SDK2: variants seen among roughly 807,000 people sequenced by gnomAD.
SDK2 encodes the protein sidekick cell adhesion molecule 2.
In SDK2, 105 loss-of-function variants were observed where a neutral mutation model predicts 253.9. The ratio of observed to expected loss-of-function variants is 0.41; its 90% CI spans 0.35 to 0.49. The LOEUF is 0.49. SDK2 is among the 20% of genes least tolerant of loss of function. SDK2 has a pLI of 0.06. For missense variants in SDK2, 2,608 were observed against 3,003.0 expected, an observed-to-expected ratio of 0.87 and a Z score of 3.07; for synonymous variants, 1,249 against 1,234.9, an observed-to-expected ratio of 1.01 and a Z score of -0.24.
chr17:73,642,388 A>G lies in SDK2; in HGVS notation c.64+1637T>C, dbSNP rs1358219824. On this transcript the variant is annotated intron_variant, in intron 1 of 44. Coordinates refer to ENST00000392650, the MANE Select transcript of SDK2 (RefSeq NM_001144952.2). This position sits in a 1 kb window ranked among gnomAD's most constrained non-coding sequence, Gnocchi z 4.7. ...ACAGATGCTGGCATCCCGTCCCTCC[A>G]CGCCGTCCAGGCTTTTGGCTAGTAA... Among the ~76,000 whole-genome samples, 4 of 152,214 alleles carry G rather than the reference A, an allele frequency of 2.6e-5. No homozygotes were observed. Among genetic ancestry groups the G allele is most frequent in the African/African-American group, 9.6e-5 (4 of 41,458 alleles).
intron 1 of SDK2, among the ~76,000 whole-genome samples, chr17:73,583,774 G>A (rs1424248999): frequency 6.6e-6 from 1 of 152,166 alleles, no homozygotes; most frequent in Non-Finnish European, 1.5e-5. Flanking sequence ...CCTGCCCCCA[G>A]GATCAAAGGC....
intron 15 of SDK2, among the ~76,000 whole-genome samples, chr17:73,421,805 C>G (rs2063233688): frequency 1.3e-5 from 2 of 152,038 alleles, no homozygotes; most frequent in South Asian, 4.1e-4. Flanking sequence ...AGGTGATCCG[C>G]CCGCCTCAGC....
Position 73,383,542 on chromosome 17 carries a change from C to T in SDK2, c.4705+334G>A, listed in dbSNP as rs1024492598. On this transcript the variant is annotated intron_variant, in intron 33 of 44. Transcript: ENST00000392650. This position sits in a 1 kb window ranked among gnomAD's most constrained non-coding sequence, Gnocchi z 4.3. ...TCCGTGTTAGCGCCAGTGCTGGTGC[C>T]GGGGAAGCCTTGCCTGTCCCTGGCT... 2.1e-4 allele frequency among the ~76,000 whole-genome samples: 32 copies of T among 152,148 alleles called. No homozygotes were observed. The highest frequency in any genetic ancestry group is 4.1e-4 in the African/African-American group (17 of 41,430).
At chr17:73,387,476 G>C (rs760701814) in intron 30 of SDK2, among the ~76,000 whole-genome samples, 1 of 152,204 alleles carries the variant, frequency 6.6e-6, no homozygotes, top group Non-Finnish European at 1.5e-5. Context: ...ATTGAAGCTA[G>C]AATTTCGGAG....
At chr17:73,404,353 A>G (rs1211146993) in intron 18 of SDK2, among the ~76,000 whole-genome samples, 1 of 152,078 alleles carries the variant, frequency 6.6e-6, no homozygotes, top group East Asian at 1.9e-4. Context: ...AGACAGTAAA[A>G]TTGCCTTTTG....
At chr17:73,506,357 C>A (rs945804098) in intron 2 of SDK2, among the ~76,000 whole-genome samples, 3 of 152,168 alleles carry the variant, frequency 2.0e-5, no homozygotes, top group African/African-American at 4.8e-5. Context: ...ATCCAGCTCT[C>A]CCCTCTGCAG....
intron 1 of SDK2, among the ~76,000 whole-genome samples, chr17:73,610,612 C>G (rs554132185): frequency 6.6e-6 from 1 of 151,978 alleles, no homozygotes; most frequent in Non-Finnish European, 1.5e-5. Flanking sequence ...ACGAGGGAGG[C>G]GGGGAGTGAG....
chr17:73,516,343 C>T (rs138699164), intron 1 of SDK2, among the ~76,000 whole-genome samples: 417 of 152,332 alleles, frequency 2.7e-3, no homozygotes, highest in Middle Eastern at 0.01. Context: ...CTGTTCGGCC[C>T]CTGCCCTTCA....
intron 38 of SDK2, among the ~76,000 whole-genome samples, chr17:73,363,617 C>T (rs775762251): frequency 1.1e-4 from 17 of 152,126 alleles, no homozygotes; most frequent in East Asian, 9.6e-4. Context: ...GCTGTCCAGG[C>T]GGGGCCTTGT....
chr17:73,385,829 C>T lies in SDK2; in HGVS notation c.4569+18G>A, dbSNP rs2062867208. 6.3e-7 allele frequency: 1 copy of T among 1,594,688 alleles called. No homozygotes were observed. The highest frequency in any genetic ancestry group is 8.5e-7 in the Non-Finnish European group (1 of 1,171,046). ...TCGTCTGGGTCTTCACGGAGGTTTCCTGCCCGCTGGGCCATACCTGCCATC... is the reference window on the plus strand; with the variant it reads ...TCGTCTGGGTCTTCACGGAGGTTTCTTGCCCGCTGGGCCATACCTGCCATC... On this transcript the variant is annotated intron_variant, in intron 32 of 44. Coordinates refer to ENST00000392650, the MANE Select transcript of SDK2 (RefSeq NM_001144952.2).
chr17:73,486,720 CAGA>C (rs1261728212), intron 2 of SDK2, among the ~76,000 whole-genome samples: 2 of 151,502 alleles, frequency 1.3e-5, no homozygotes, highest in Non-Finnish European at 2.9e-5. Context: ...CAGTCCCTGG[CAGA>C]AGGAGAGGCC....
At chr17:73,350,140 G>T in intron 43 of SDK2, 97 bp downstream of exon 43, 5 of 702,780 alleles carry the variant, frequency 7.1e-6, no homozygotes, top group South Asian at 7.1e-5. Flanking sequence ...ACAAGGTATG[G>T]CCAGGTGGGC....
chr17:73,625,083 G>A (rs1312619273), intron 1 of SDK2, among the ~76,000 whole-genome samples: 1 of 152,200 alleles, frequency 6.6e-6, no homozygotes, highest in Non-Finnish European at 1.5e-5. Context: ...CTCACAAGCA[G>A]CAGGGCCAGG....
intron 1 of SDK2, among the ~76,000 whole-genome samples, chr17:73,536,663 C>G (rs2044779154): frequency 6.6e-6 from 1 of 152,166 alleles, no homozygotes; most frequent in Non-Finnish European, 1.5e-5. Flanking sequence ...CGCAAAATCA[C>G]TCGTTGCTTT....
Position 73,456,109 on chromosome 17 carries a change from G to T in SDK2, c.332-56C>A. On this transcript the variant is annotated intron_variant, in intron 3 of 44. Coordinates refer to ENST00000392650, the MANE Select transcript of SDK2 (RefSeq NM_001144952.2). Reference sequence around the variant, plus strand: ...GGGCGGGAGGTCAGCCTCAGGGACTGCCCAGCTCCCAGGTTGGGAGTGGTG... The same window carrying T: ...GGGCGGGAGGTCAGCCTCAGGGACTTCCCAGCTCCCAGGTTGGGAGTGGTG... The T allele has an allele frequency of 2.1e-6, 3 of 1,418,358 alleles. No individual in the cohort carries two copies. The South Asian group carries it at 4.5e-5, about 21-fold the overall frequency. The allele number at this position is 1,418,358 out of a possible 1,614,324, so 87.9% of individuals were successfully genotyped here.
Position 73,399,284 on chromosome 17 carries a change from G to C in SDK2, c.2977C>G (p.Pro993Ala). Residue 993 changes from proline to alanine, a missense_variant, in exon 22 of 45, where the codon CCA becomes GCA. Around this residue, in one of 2 missense-constraint regions of SDK2, gnomAD observed 1,505 missense variants for 1,859.1 expected, o/e 0.81. Coordinates refer to ENST00000392650, the MANE Select transcript of SDK2 (RefSeq NM_001144952.2). ...ATGCCCAGGTTGGTGGGGGGCCCTG[G>C]GAGTTCTGGAAAAGGAGAACAGGGT... ...TISSGVPPEL[P>A]GPPTNLGISN... 1 of 1,613,822 alleles carries C rather than the reference G, an allele frequency of 6.2e-7. No homozygotes were observed. The highest frequency in any genetic ancestry group is 8.5e-7 in the Non-Finnish European group (1 of 1,179,816).
At chr17:73,580,104 T>C (rs184210562) in intron 1 of SDK2, among the ~76,000 whole-genome samples, 340 of 152,158 alleles carry the variant, frequency 2.2e-3, no homozygotes, top group Non-Finnish European at 3.7e-3. Flanking sequence ...TGAAGACACC[T>C]TGGTCTTGGA....
At chr17:73,359,095 T>C (rs1034728814) in intron 39 of SDK2, among the ~76,000 whole-genome samples, 23 of 152,214 alleles carry the variant, frequency 1.5e-4, no homozygotes, top group African/African-American at 5.1e-4. Flanking sequence ...GGTGGGGCTC[T>C]GTACCCCCAG....
At chr17:73,641,355 G>A (rs2046396012) in intron 1 of SDK2, among the ~76,000 whole-genome samples, 1 of 152,234 alleles carries the variant, frequency 6.6e-6, no homozygotes, top group African/African-American at 2.4e-5. Context: ...TGAGGAAACT[G>A]AGGCTCTTAG....
Sources: allele counts gnomAD v4.1 joint callset (sites outside exome capture counted in the v4.1 genomes callset), GRCh38; gene constraint gnomAD v4.1.1; regional missense constraint gnomAD v4.1.1; non-coding constraint Gnocchi (gnomAD v3.1); transcripts MANE v1.5; gene names NCBI Gene and HGNC (gene_info 2026-07-23, HGNC 2026-07-21).